FOXN3: variants seen among roughly 807,000 people sequenced by gnomAD.
The protein encoded by FOXN3 is forkhead box N3.
In FOXN3, 7 loss-of-function variants were observed where a neutral mutation model predicts 38.4. The ratio of observed to expected loss-of-function variants is 0.18; its 90% CI spans 0.10 to 0.34. The LOEUF (loss-of-function observed/expected upper bound fraction) is 0.34. FOXN3 is among the 10% of genes least tolerant of loss of function. The probability of loss-of-function intolerance (pLI) is 1.00; values close to 1 mark genes in which losing one functional copy is unlikely to be tolerated. For missense variants in FOXN3, 456 were observed against 613.4 expected, an observed-to-expected ratio of 0.74 and a Z score of 2.71; for synonymous variants, 230 against 242.2, an observed-to-expected ratio of 0.95 and a Z score of 0.47.
intron 2 of FOXN3, chr14:89,401,627 T>G (rs1252223890): frequency 2.2e-6 from 1 of 455,874 alleles, no homozygotes; most frequent in Non-Finnish European, 4.4e-6. Context: ...TTCTTCCCCC[T>G]CTACTATAGC....
chr14:89,325,599 T>G (rs1888058333), intron 3 of FOXN3, among the ~76,000 whole-genome samples: 1 of 152,202 alleles, frequency 6.6e-6, no homozygotes, highest in South Asian at 2.1e-4. Context: ...AACAGATACA[T>G]TTATTGAACT....
At chr14:89,381,321 A>T (rs1339531185) in intron 2 of FOXN3, among the ~76,000 whole-genome samples, 1 of 151,998 alleles carries the variant, frequency 6.6e-6, no homozygotes, top group African/African-American at 2.4e-5. Context: ...TGGGTGACTC[A>T]CAGGATACCT....
Position 89,323,301 on chromosome 14 carries a change from A to AAAAGAAAG in FOXN3, c.680+27363_680+27370dup, listed in dbSNP as rs1555417897. On this transcript the variant is annotated intron_variant, in intron 3 of 5. Transcript: ENST00000557258. ...AGACTCCATCTCAAAAAAAAAAAAA[A>AAAAGAAAG]AAAGAAAGAAAGAAAGAAAGAAAGA... is the stretch of plus-strand genomic sequence containing the variant. Among the ~76,000 whole-genome samples, 133 of 142,976 alleles carry AAAAGAAAG rather than the reference A, an allele frequency of 9.3e-4. 1 individual carries two copies. The highest frequency in any genetic ancestry group is 3.3e-3 in the African/African-American group (124 of 38,132). 93.8% of individuals were successfully genotyped at this position (142,976 alleles called of 152,430 possible).
intron 1 of FOXN3, among the ~76,000 whole-genome samples, chr14:89,509,507 A>G (rs1025714810): frequency 6.6e-6 from 1 of 151,994 alleles, no homozygotes; most frequent in African/African-American, 2.4e-5. Context: ...GCTTATTTTT[A>G]TATTTTTTGT....
At chr14:89,230,707 A>G (rs937011235) in intron 4 of FOXN3, 1 of 249,202 alleles carries the variant, frequency 4.0e-6, no homozygotes. Context: ...CCCAAGTATC[A>G]AGAACTGCAC....
chr14:89,335,474 C>G (rs1888422473), intron 3 of FOXN3, among the ~76,000 whole-genome samples: 1 of 152,224 alleles, frequency 6.6e-6, no homozygotes, highest in African/African-American at 2.4e-5. Context: ...TTCCTACGAT[C>G]TAAGTCTTGC....
intron 3 of FOXN3, among the ~76,000 whole-genome samples, chr14:89,318,143 T>C (rs112247311): frequency 0.013 from 1,764 of 140,892 alleles, 34 homozygotes; most frequent in African/African-American, 0.045. Context: ...CTTTTTCTTT[T>C]CTTTCTTCTT....
rs1490309538 is a variant in FOXN3, at chr14:89,425,127, C to T, written c.-14-12637G>A. Reference sequence around the variant, plus strand: ...CAGCCCAGGCTGGAATGCAGTGGCACGATCTTGGCCCACTGCTACCTCTGC... The same window carrying T: ...CAGCCCAGGCTGGAATGCAGTGGCATGATCTTGGCCCACTGCTACCTCTGC... On this transcript the variant is annotated intron_variant, in intron 1 of 6. Transcript: ENST00000345097. 2.8e-5 allele frequency among the ~76,000 whole-genome samples: 4 copies of T among 142,472 alleles called. No individual in the cohort carries two copies. The Admixed American group carries it at 3.0e-4, about 11-fold the overall frequency. The allele number at this position is 142,472 out of a possible 152,430, so 93.5% of individuals were successfully genotyped here.
At chr14:89,371,851 T>A (rs1177592051) in intron 2 of FOXN3, among the ~76,000 whole-genome samples, 1 of 152,102 alleles carries the variant, frequency 6.6e-6, no homozygotes, top group African/African-American at 2.4e-5. Flanking sequence ...CAGACACCCA[T>A]TAGCCCAGCT....
chr14:89,429,538 T>G (rs932691436), intron 1 of FOXN3, among the ~76,000 whole-genome samples: 8 of 152,154 alleles, frequency 5.3e-5, no homozygotes, highest in South Asian at 2.1e-4. Flanking sequence ...CTGATTTTTT[T>G]TTTTTTGAAG....
intron 2 of FOXN3, among the ~76,000 whole-genome samples, chr14:89,407,197 C>A (rs1026113527): frequency 4.6e-5 from 7 of 152,008 alleles, no homozygotes; most frequent in South Asian, 2.1e-4. Context: ...GCAAGTTACA[C>A]GAAATCACAA....
chr14:89,601,266 T>C (rs1294467121), intron 1 of FOXN3, among the ~76,000 whole-genome samples: 4 of 152,246 alleles, frequency 2.6e-5, no homozygotes, highest in African/African-American at 9.6e-5. Flanking sequence ...TTCAAAACAA[T>C]GTTTTGGATA....
At chr14:89,557,877 G>A (rs1192072294) in intron 1 of FOXN3, among the ~76,000 whole-genome samples, 4 of 152,024 alleles carry the variant, frequency 2.6e-5, no homozygotes, top group East Asian at 1.9e-4. Flanking sequence ...ATGGTGGTGC[G>A]TGCCTGTAAT....
At chr14:89,235,173 C>T (rs1160038706) in intron 4 of FOXN3, among the ~76,000 whole-genome samples, 1 of 152,134 alleles carries the variant, frequency 6.6e-6, no homozygotes, top group African/African-American at 2.4e-5. Flanking sequence ...AAGAGAAGAA[C>T]AGAATGGAGA....
At chr14:89,322,658 C>G (rs949136997) in intron 3 of FOXN3, among the ~76,000 whole-genome samples, 1 of 152,092 alleles carries the variant, frequency 6.6e-6, no homozygotes, top group Non-Finnish European at 1.5e-5. Context: ...TGCTTCTCTG[C>G]AAGGAACTGT....
chr14:89,310,312 G>A (rs948467223), intron 3 of FOXN3, among the ~76,000 whole-genome samples: 12 of 152,172 alleles, frequency 7.9e-5, no homozygotes, highest in African/African-American at 2.9e-4. Context: ...TCCACGAGGC[G>A]ACAGAGTGCC....
intron 1 of FOXN3, among the ~76,000 whole-genome samples, chr14:89,525,134 TA>T (rs1894407761): frequency 6.6e-6 from 1 of 152,040 alleles, no homozygotes; most frequent in Admixed American, 6.5e-5. Context: ...AGGGGCTGGG[TA>T]AAATAAGGCT....
intron 3 of FOXN3, among the ~76,000 whole-genome samples, chr14:89,324,359 T>C (rs989954055): frequency 2.2e-4 from 34 of 152,204 alleles, no homozygotes; most frequent in African/African-American, 8.0e-4. Context: ...TTTTGAAATA[T>C]TGATCACTAG....
chr14:89,531,330 T>A (rs1336148522), intron 1 of FOXN3, among the ~76,000 whole-genome samples: 1 of 152,112 alleles, frequency 6.6e-6, no homozygotes, highest in Non-Finnish European at 1.5e-5. Flanking sequence ...TTCATGATGC[T>A]TTATAGGAAA....
Sources: allele counts gnomAD v4.1 joint callset (sites outside exome capture counted in the v4.1 genomes callset), GRCh38; gene constraint gnomAD v4.1.1; transcripts MANE v1.5; gene names NCBI Gene and HGNC (gene_info 2026-07-23, HGNC 2026-07-21).